CADM2: variants seen among roughly 807,000 people sequenced by gnomAD.
The protein encoded by CADM2 is cell adhesion molecule 2.
CADM2 carries 12 observed loss-of-function variants against 49.8 expected under a neutral mutation model. The ratio of observed to expected loss-of-function variants is 0.24; its 90% CI spans 0.15 to 0.39. The LOEUF (loss-of-function observed/expected upper bound fraction) is 0.39, where lower values mean the gene tolerates loss of function less well. Ranked by LOEUF, CADM2 falls within the 10% of genes least tolerant of loss-of-function variation. The probability of loss-of-function intolerance (pLI) is 1.00; values close to 1 mark genes in which losing one functional copy is unlikely to be tolerated. For synonymous variants in CADM2, 214 were observed against 175.4 expected, an observed-to-expected ratio of 1.22 and a Z score of -1.74; for missense variants, 378 against 492.3, an observed-to-expected ratio of 0.77 and a Z score of 2.20.
chr3:85,202,049 C>T (rs1486801729), intron 1 of CADM2, among the ~76,000 whole-genome samples: 1 of 147,070 alleles, frequency 6.8e-6, no homozygotes, highest in African/African-American at 2.5e-5. Context: ...CACTGCTCTC[C>T]AGCCTGGTGA....
At chr3:85,088,554 A>T (rs2037471364) in intron 1 of CADM2, among the ~76,000 whole-genome samples, 1 of 152,122 alleles carries the variant, frequency 6.6e-6, no homozygotes, top group South Asian at 2.1e-4. Flanking sequence ...GTAAGAGCAG[A>T]ATAACTGGTT....
intron 3 of CADM2, among the ~76,000 whole-genome samples, chr3:85,819,051 C>A (rs2073393630): frequency 6.6e-6 from 1 of 152,012 alleles, no homozygotes; most frequent in African/African-American, 2.4e-5. Context: ...GCTGACAGTG[C>A]AGCCTTCAGT....
At chr3:85,668,921 G>T (rs1429296140) in intron 1 of CADM2, among the ~76,000 whole-genome samples, 3 of 152,094 alleles carry the variant, frequency 2.0e-5, no homozygotes, top group Non-Finnish European at 2.9e-5. Context: ...AGGAAGAAAT[G>T]AATATGGATT....
intron 2 of CADM2, among the ~76,000 whole-genome samples, chr3:85,754,858 A>G (rs1429563029): frequency 6.6e-6 from 1 of 152,204 alleles, no homozygotes. Flanking sequence ...GAGTATTGAC[A>G]TTTTTTTAAA....
chr3:85,073,002 A>G (rs560936332), intron 1 of CADM2, among the ~76,000 whole-genome samples: 1 of 152,276 alleles, frequency 6.6e-6, no homozygotes, highest in East Asian at 1.9e-4. Flanking sequence ...CATTTAAAAA[A>G]TTGTTTTTCA....
intron 1 of CADM2, among the ~76,000 whole-genome samples, chr3:85,232,997 C>T (rs1029054628): frequency 1.3e-5 from 2 of 152,046 alleles, no homozygotes; most frequent in Non-Finnish European, 2.9e-5. Context: ...AAACAAATAC[C>T]TCAATAGTTG....
chr3:85,085,959 C>T (rs2037353689), intron 1 of CADM2, among the ~76,000 whole-genome samples: 1 of 152,132 alleles, frequency 6.6e-6, no homozygotes, highest in Non-Finnish European at 1.5e-5. Context: ...AGAGTTAAAA[C>T]TGCACATCGT....
At chr3:85,450,183 T>C (rs993136) in intron 1 of CADM2, among the ~76,000 whole-genome samples, 79,947 of 152,002 alleles carry the variant, frequency 0.53, 23,168 homozygotes, top group East Asian at 0.83. Flanking sequence ...GACAGCGTTA[T>C]TTAAGGAACA....
rs187138356 is a variant in CADM2, at chr3:85,418,010, C to T, written c.62-308512C>T. 1.3e-3 allele frequency among the ~76,000 whole-genome samples: 192 copies of T among 151,996 alleles called. 1 individual carries two copies. The highest frequency in any genetic ancestry group is 7.7e-3 in the South Asian group (37 of 4,820). On this transcript the variant is annotated intron_variant, in intron 1 of 9. Coordinates refer to ENST00000383699, the MANE Select transcript of CADM2 (RefSeq NM_001167675.2). ...GTACTGGAACCAAAGCTATACCACACGGTTATATATTTTCAAATAATAAAT... is the reference window on the plus strand; with the variant it reads ...GTACTGGAACCAAAGCTATACCACATGGTTATATATTTTCAAATAATAAAT...
In CADM2 at chr3:85,013,007, GAA is replaced by G. The variant is rs557058573; in HGVS notation, c.61+53340_61+53341del. Among the ~76,000 whole-genome samples, 714 of 151,764 alleles carry G rather than the reference GAA, an allele frequency of 4.7e-3. 4 individuals are homozygous for G. The highest frequency in any genetic ancestry group is 0.017 in the Middle Eastern group (5 of 294). On this transcript the variant is annotated intron_variant, in intron 1 of 9. Coordinates refer to ENST00000383699, the MANE Select transcript of CADM2 (RefSeq NM_001167675.2). ...AAACTAAAGTGCTTTTAAATTACCT[GAA>G]GTCTTTTTTAAGCATTGATATATTA...
At chr3:85,078,985 C>A (rs540456453) in intron 1 of CADM2, among the ~76,000 whole-genome samples, 2 of 151,820 alleles carry the variant, frequency 1.3e-5, no homozygotes, top group East Asian at 3.9e-4. Flanking sequence ...TATAAGTGAT[C>A]TCATTTTACT....
chr3:85,735,054 C>G (rs2107806746), intron 2 of CADM2, among the ~76,000 whole-genome samples: 1 of 151,566 alleles, frequency 6.6e-6, no homozygotes, highest in Middle Eastern at 3.4e-3. Context: ...AGCTGTCATT[C>G]ACTCAATAAT....
intron 1 of CADM2, among the ~76,000 whole-genome samples, chr3:84,997,546 T>C (rs1312024321): frequency 6.6e-6 from 1 of 152,030 alleles, no homozygotes; most frequent in South Asian, 2.1e-4. Flanking sequence ...AATAGGAAGA[T>C]ACATAAAAAT....
At chr3:85,774,194 T>C (rs1365984882) in intron 2 of CADM2, among the ~76,000 whole-genome samples, 1 of 151,822 alleles carries the variant, frequency 6.6e-6, no homozygotes, top group African/African-American at 2.4e-5. Flanking sequence ...ACGGTAAATG[T>C]CTCTCAACAA....
intron 1 of CADM2, among the ~76,000 whole-genome samples, chr3:85,717,040 G>C (rs1225647202): frequency 6.6e-6 from 1 of 152,112 alleles, no homozygotes; most frequent in African/African-American, 2.4e-5. Flanking sequence ...AAGAAAGTCA[G>C]TTGTAGCTTG....
At chr3:85,180,380 G>A (rs1412307574) in intron 1 of CADM2, among the ~76,000 whole-genome samples, 6 of 151,904 alleles carry the variant, frequency 3.9e-5, no homozygotes, top group Middle Eastern at 3.4e-3. Flanking sequence ...TTGGTGGCTT[G>A]AGCTTGTAAT....
chr3:84,959,624 G>A lies in CADM2; in HGVS notation c.17G>A (p.Ser6Asn). The change falls in exon 1 of 10, where the codon AGC becomes AAC. Residue 6 changes from serine to asparagine, a missense_variant. Physicochemically the swap from Ser to Asn is conservative, Grantham distance 46. Transcript: ENST00000383699. MIWKR[S>N]AVLRFYSVCG... ...GAAGGGACCATGATTTGGAAACGCAGCGCCGTTCTCCGCTTCTACAGTGTC... is the reference window on the plus strand; with the variant it reads ...GAAGGGACCATGATTTGGAAACGCAACGCCGTTCTCCGCTTCTACAGTGTC... The A allele has an allele frequency of 3.9e-6, 6 of 1,537,106 alleles. No individual in the cohort carries two copies. The highest frequency in any genetic ancestry group is 5.2e-6 in the Non-Finnish European group (6 of 1,146,892).
At chr3:85,304,775 C>A (rs1304146217) in intron 1 of CADM2, among the ~76,000 whole-genome samples, 6 of 151,766 alleles carry the variant, frequency 4.0e-5, no homozygotes, top group African/African-American at 1.4e-4. Flanking sequence ...TCTTTCACTC[C>A]TTGGCAGTTC....
At chr3:86,021,144 C>A (rs1733113067) in intron 8 of CADM2, among the ~76,000 whole-genome samples, 1 of 152,086 alleles carries the variant, frequency 6.6e-6, no homozygotes, top group African/African-American at 2.4e-5. Context: ...GAATTACAGG[C>A]ATCCACCACC....
Sources: allele counts gnomAD v4.1 joint callset (sites outside exome capture counted in the v4.1 genomes callset), GRCh38; gene constraint gnomAD v4.1.1; transcripts MANE v1.5; gene names NCBI Gene and HGNC (gene_info 2026-07-23, HGNC 2026-07-21).